AFF3: variants seen among roughly 807,000 people sequenced by gnomAD.
AFF3 encodes the protein ALF transcription elongation factor 3, also known as AF4/FMR2 family member 3.
A neutral mutation model predicts 129.7 loss-of-function variants in AFF3; 32 were observed. That is an observed-to-expected ratio of 0.25 (90% CI 0.19 to 0.33). AFF3 has a LOEUF of 0.33. Among genes scored for constraint, AFF3 ranks in the 10% least tolerant of loss-of-function variants. The pLI is 1.00. For missense variants in AFF3, 1,373 were observed against 1,592.0 expected (o/e 0.86, Z 2.34); for synonymous variants, 644 against 635.4 (o/e 1.01, Z -0.20).
chr2:99,610,146 A>G (rs1680778185), intron 13 of AFF3, among the ~76,000 whole-genome samples: 1 of 152,204 alleles, frequency 6.6e-6, no homozygotes, highest in African/African-American at 2.4e-5. Context: ...GCTCACACAA[A>G]GCCTGTTGGT....
intron 8 of AFF3, among the ~76,000 whole-genome samples, chr2:99,756,848 T>C (rs1330146704): frequency 6.6e-6 from 1 of 152,194 alleles, no homozygotes; most frequent in Non-Finnish European, 1.5e-5. Flanking sequence ...ATATTGTGCA[T>C]GTGTGTGTGT....
intron 4 of AFF3, among the ~76,000 whole-genome samples, chr2:100,103,412 A>AT (rs1374570425): frequency 1.3e-5 from 2 of 151,500 alleles, no homozygotes; most frequent in African/African-American, 4.9e-5. Context: ...GCAGATGTTC[A>AT]TCCCCGTAAA....
intron 11 of AFF3, among the ~76,000 whole-genome samples, chr2:99,689,656 CAAAAAAA>C (rs60965683): frequency 8.7e-5 from 5 of 57,284 alleles, no homozygotes; most frequent in Non-Finnish European, 1.2e-4. Context: ...TATTTAATTG[CAAAAAAA>C]AAAAAAAAAA....
intron 17 of AFF3, among the ~76,000 whole-genome samples, chr2:99,582,159 T>G (rs977396026): frequency 1.3e-5 from 2 of 151,912 alleles, no homozygotes; most frequent in Non-Finnish European, 2.9e-5. Flanking sequence ...CCGGTCGGGG[T>G]CTTTTCATGA....
intron 7 of AFF3, among the ~76,000 whole-genome samples, chr2:99,966,419 G>T (rs563501437): frequency 6.6e-6 from 1 of 151,960 alleles, no homozygotes; most frequent in African/African-American, 2.4e-5. Context: ...GGCCGGGCGC[G>T]GTGGCTCACG....
At chr2:99,637,321 G>T (rs1475765300) in intron 13 of AFF3, among the ~76,000 whole-genome samples, 1 of 152,248 alleles carries the variant, frequency 6.6e-6, no homozygotes, top group African/African-American at 2.4e-5. Flanking sequence ...ACTCATCACA[G>T]ATGCTTTTGC....
chr2:100,082,770 G>A (rs557905172), intron 4 of AFF3, among the ~76,000 whole-genome samples: 1 of 152,262 alleles, frequency 6.6e-6, no homozygotes, highest in South Asian at 2.1e-4. Context: ...GGGACATAGT[G>A]TGATATGCAT....
intron 4 of AFF3, among the ~76,000 whole-genome samples, chr2:100,087,319 A>G (rs1273964792): frequency 1.3e-5 from 2 of 152,314 alleles, no homozygotes; most frequent in Non-Finnish European, 2.9e-5. Context: ...GTAACATCTT[A>G]TGAGCATATT....
intron 8 of AFF3, among the ~76,000 whole-genome samples, chr2:99,798,728 G>A (rs1462816543): frequency 1.3e-5 from 2 of 151,872 alleles, no homozygotes; most frequent in African/African-American, 4.8e-5. Flanking sequence ...ATTGTCTAAC[G>A]GACCAATCAA....
chr2:99,821,013 C>T (rs1687635845), intron 8 of AFF3, among the ~76,000 whole-genome samples: 1 of 151,478 alleles, frequency 6.6e-6, no homozygotes, highest in Non-Finnish European at 1.5e-5. Flanking sequence ...GCTGGGATTA[C>T]AGGTGCACGC....
At chr2:99,995,425 T>G (rs1015025423) in intron 7 of AFF3, among the ~76,000 whole-genome samples, 2 of 151,850 alleles carry the variant, frequency 1.3e-5, no homozygotes, top group African/African-American at 4.8e-5. Context: ...CAGGCTAGAG[T>G]GCAGTGGTGC....
At chr2:99,586,708 G>A (rs1429833541) in intron 16 of AFF3, among the ~76,000 whole-genome samples, 2 of 152,132 alleles carry the variant, frequency 1.3e-5, no homozygotes, top group African/African-American at 4.8e-5. Flanking sequence ...TGGGAGCACG[G>A]ACCCTTCTAA....
chr2:99,828,578 G>A (rs1379575043), intron 8 of AFF3, among the ~76,000 whole-genome samples: 3 of 152,186 alleles, frequency 2.0e-5, no homozygotes, highest in Admixed American at 6.5e-5. Context: ...CTTCCAAAGG[G>A]GGCCATGACT....
At chr2:100,055,462 T>TAAAAAAAAA (rs55713850) in intron 4 of AFF3, among the ~76,000 whole-genome samples, 1 of 128,500 alleles carries the variant, frequency 7.8e-6, no homozygotes, top group African/African-American at 3.0e-5. Context: ...CTAGAAATCT[T>TAAAAAAAAA]AAAAAAAAAA....
chr2:99,827,208 C>T (rs1174838609), intron 8 of AFF3, among the ~76,000 whole-genome samples: 6 of 152,104 alleles, frequency 3.9e-5, no homozygotes, highest in Non-Finnish European at 8.8e-5. Context: ...AGACCCATCC[C>T]CACACAGATG....
chr2:100,106,407 A>T lies in AFF3; in HGVS notation c.-144-824T>A, dbSNP rs1324920644. 3.7e-6 allele frequency: 4 copies of T among 1,069,996 alleles called. No individual in the cohort carries two copies. In the African/African-American group the frequency reaches 5.0e-5, roughly 13 times the overall value. The allele number at this position is 1,069,996 out of a possible 1,614,324, so 66.3% of individuals were successfully genotyped here. A position where few individuals can be genotyped will look rare whatever the true frequency, so the allele number is the denominator to read the frequency against. On this transcript the variant is annotated intron_variant, in intron 2 of 24. Transcript: ENST00000672756. ...ACAGGTGTGAAGGGCTGGCTGCCCA[A>T]ATCCCAATGCACAGTGTATTTGGAA...
intron 2 of AFF3, among the ~76,000 whole-genome samples, chr2:100,120,719 G>A (rs1018811509): frequency 6.6e-6 from 1 of 152,054 alleles, no homozygotes; most frequent in Admixed American, 6.6e-5. Flanking sequence ...GGAGTGCAGT[G>A]ATGTGATCAT....
chr2:100,103,807 A>C (rs1338085159), intron 4 of AFF3, among the ~76,000 whole-genome samples: 1 of 151,822 alleles, frequency 6.6e-6, no homozygotes, highest in African/African-American at 2.4e-5. Context: ...CGAGGAAAGG[A>C]GTCTCCCTGG....
chr2:99,941,851 A>C (rs1675068904), intron 7 of AFF3, among the ~76,000 whole-genome samples: 1 of 152,240 alleles, frequency 6.6e-6, no homozygotes, highest in Non-Finnish European at 1.5e-5. Context: ...TGCTGATGAC[A>C]TCACGGAGCC....
Sources: allele counts gnomAD v4.1 joint callset (sites outside exome capture counted in the v4.1 genomes callset), GRCh38; gene constraint gnomAD v4.1.1; transcripts MANE v1.5; gene names NCBI Gene and HGNC (gene_info 2026-07-23, HGNC 2026-07-21).